Variants in ZNF827 observed in about 807,000 individuals in gnomAD.
ZNF827 encodes the protein zinc finger protein 827.
A neutral mutation model predicts 102.4 loss-of-function variants in ZNF827; 13 were observed. That is an observed-to-expected ratio of 0.13 (90% CI 0.08 to 0.20). ZNF827 has a LOEUF of 0.20. Ranked by LOEUF, ZNF827 falls within the 10% of genes least tolerant of loss-of-function variation. The pLI is 1.00. For missense variants in ZNF827, 1,103 were observed against 1,344.4 expected (o/e 0.82, Z 2.81); for synonymous variants, 523 against 536.2 (o/e 0.98, Z 0.34).
At chr4:145,925,948 A>C (rs1753388955) in intron 1 of ZNF827, among the ~76,000 whole-genome samples, 1 of 152,266 alleles carries the variant, frequency 6.6e-6, no homozygotes, top group South Asian at 2.1e-4. Flanking sequence ...TTATAAAATC[A>C]AATGTATATT....
At position 145,861,519 on chromosome 4, in the gene ZNF827, C is replaced by T. The variant is rs142083069; in HGVS notation, c.1981+8726G>A. 4.0e-3 allele frequency among the ~76,000 whole-genome samples: 608 copies of T among 152,266 alleles called. 11 individuals carry two copies. The highest frequency in any genetic ancestry group is 2.8e-3 in the Non-Finnish European group (192 of 68,008). On this transcript the variant is annotated intron_variant, in intron 5 of 14. Coordinates refer to ENST00000508784, the MANE Select transcript of ZNF827 (RefSeq NM_001306215.2). ...GTCATCATCAAATCGTATTTACCAG[C>T]GGCCTCTCCGTTTGTGCCCCAAGTA... is the stretch of plus-strand genomic sequence containing the variant.
At chr4:145,811,018 G>T (rs1191043236) in intron 8 of ZNF827, among the ~76,000 whole-genome samples, 2 of 149,028 alleles carry the variant, frequency 1.3e-5, no homozygotes. Context: ...TTGAGTCAGG[G>T]TTTCACTCTG....
chr4:145,907,845 A>T (rs1751990399), intron 1 of ZNF827, among the ~76,000 whole-genome samples: 1 of 152,252 alleles, frequency 6.6e-6, no homozygotes, highest in African/African-American at 2.4e-5. Flanking sequence ...TTAAATCAGA[A>T]ACACAAAGAA....
intron 8 of ZNF827, among the ~76,000 whole-genome samples, chr4:145,805,688 G>A (rs1741351204): frequency 6.6e-6 from 1 of 152,208 alleles, no homozygotes; most frequent in East Asian, 1.9e-4. Flanking sequence ...ATGGTTCCTG[G>A]CATACTTGCA....
At chr4:145,871,309 T>C (rs1002910483) in intron 4 of ZNF827, among the ~76,000 whole-genome samples, 29 of 152,172 alleles carry the variant, frequency 1.9e-4, no homozygotes, top group African/African-American at 7.0e-4. Context: ...ATTTCACCAG[T>C]TTTTCCACTA....
At chr4:145,793,309 A>AATATATAT (rs1560931005) in intron 8 of ZNF827, among the ~76,000 whole-genome samples, 15 of 466 alleles carry the variant, frequency 0.032, no homozygotes, top group African/African-American at 0.079. Flanking sequence ...TCTTATATAT[A>AATATATAT]CTTATATATA....
At chr4:145,920,003 C>T (rs1752946207) in intron 1 of ZNF827, among the ~76,000 whole-genome samples, 2 of 152,208 alleles carry the variant, frequency 1.3e-5, no homozygotes, top group Non-Finnish European at 2.9e-5. Context: ...CTACAAGCAC[C>T]TTCTCCTGTT....
chr4:145,830,722 T>C (rs1385432661), intron 7 of ZNF827: 1 of 152,254 alleles, frequency 6.6e-6, no homozygotes, highest in Non-Finnish European at 1.5e-5. Context: ...TGCTTAGTTC[T>C]ACATATTTTT....
intron 7 of ZNF827, among the ~76,000 whole-genome samples, chr4:145,845,716 A>G (rs778686268): frequency 3.9e-5 from 6 of 152,222 alleles, no homozygotes; most frequent in Admixed American, 3.3e-4. Flanking sequence ...AAACAATAAC[A>G]TATGGAAAAT....
At chr4:145,905,869 T>C (rs1751821970) in intron 1 of ZNF827, among the ~76,000 whole-genome samples, 1 of 152,172 alleles carries the variant, frequency 6.6e-6, no homozygotes, top group African/African-American at 2.4e-5. Flanking sequence ...TGAAGTACAC[T>C]CATTAAGTGA....
chr4:145,873,170 C>G (rs555076402), intron 4 of ZNF827, among the ~76,000 whole-genome samples: 1 of 152,030 alleles, frequency 6.6e-6, no homozygotes, highest in Non-Finnish European at 1.5e-5. Flanking sequence ...TTCCTGACCT[C>G]GTGATCCACC....
intron 4 of ZNF827, among the ~76,000 whole-genome samples, chr4:145,876,180 A>G (rs1749130991): frequency 6.6e-6 from 1 of 152,232 alleles, no homozygotes; most frequent in South Asian, 2.1e-4. Flanking sequence ...GTCCTACTAG[A>G]GCCTATAAAC....
At chr4:145,824,600 G>A (rs1368756772) in intron 7 of ZNF827, among the ~76,000 whole-genome samples, 2 of 152,176 alleles carry the variant, frequency 1.3e-5, no homozygotes, top group African/African-American at 2.4e-5. Context: ...ATGGGAGACA[G>A]AGAGGGAGTG....
intron 7 of ZNF827, among the ~76,000 whole-genome samples, chr4:145,825,467 G>T (rs1743576648): frequency 6.6e-6 from 1 of 152,234 alleles, no homozygotes; most frequent in African/African-American, 2.4e-5. Context: ...AGAAGACAAG[G>T]CGTGTGGCCA....
At chr4:145,917,730 A>G (rs1051291612) in intron 1 of ZNF827, among the ~76,000 whole-genome samples, 1 of 149,850 alleles carries the variant, frequency 6.7e-6, no homozygotes, top group Non-Finnish European at 1.5e-5. Context: ...AAAAAAAGAA[A>G]AGAAAAAACA....
At position 145,885,872 on chromosome 4, in the gene ZNF827, G is replaced by A. The variant is rs147914934; in HGVS notation, c.1553C>T (p.Ser518Leu). 9.3e-6 allele frequency: 15 copies of A among 1,614,102 alleles called. No individual in the cohort carries two copies. Among genetic ancestry groups the A allele is most frequent in the African/African-American group, 1.3e-5 (1 of 74,950 alleles). ...ERTSQGGAGV[S>L]PLLVKEEPKE... Reference sequence around the variant, plus strand: ...GGGTTCCTCCTTCACCAGCAAAGGCGAGACGCCAGCCCCTCCCTGGCTAGT... The same window carrying A: ...GGGTTCCTCCTTCACCAGCAAAGGCAAGACGCCAGCCCCTCCCTGGCTAGT... The change falls in exon 4 of 15, where the codon TCG (serine) becomes TTG (leucine). Residue 518 changes from serine to leucine, a missense_variant. Ser to Leu is a moderately radical substitution (Grantham distance 145, BLOSUM62 -2). This residue lies in a region of ZNF827 where 157 missense variants were observed against 211.7 expected (regional missense o/e 0.74). Coordinates refer to ENST00000508784, the MANE Select transcript of ZNF827 (RefSeq NM_001306215.2).
chr4:145,774,394 G>T, intron 11 of ZNF827, 112 bp downstream of exon 11: 1 of 1,224,728 alleles, frequency 8.2e-7, no homozygotes, highest in Non-Finnish European at 1.1e-6. Flanking sequence ...TCCTTCCATG[G>T]AAGGAAAAGG....
chr4:145,899,004 G>A (rs1579512473), intron 2 of ZNF827, among the ~76,000 whole-genome samples: 1 of 152,048 alleles, frequency 6.6e-6, no homozygotes, highest in East Asian at 1.9e-4. Flanking sequence ...AAATCAGGAT[G>A]GTGTGTAGTT....
intron 8 of ZNF827, among the ~76,000 whole-genome samples, chr4:145,789,319 A>C (rs1041047111): frequency 2.0e-5 from 3 of 152,214 alleles, no homozygotes; most frequent in Non-Finnish European, 4.4e-5. Context: ...TAAAGACTTA[A>C]AGTGCATAAA....
Sources: allele counts gnomAD v4.1 joint callset (sites outside exome capture counted in the v4.1 genomes callset), GRCh38; gene constraint gnomAD v4.1.1; regional missense constraint gnomAD v4.1.1; transcripts MANE v1.5; gene names NCBI Gene and HGNC (gene_info 2026-07-23, HGNC 2026-07-21).